Variants in RALY observed in about 807,000 individuals in gnomAD.
The protein encoded by RALY is RNA-binding protein Raly.
In RALY, 15 loss-of-function variants were observed where a neutral mutation model predicts 30.7. That is an observed-to-expected ratio of 0.49 (90% CI 0.33 to 0.75). The LOEUF (loss-of-function observed/expected upper bound fraction) is 0.75, where lower values mean the gene tolerates loss of function less well. RALY is among the 30% of genes least tolerant of loss of function. RALY has a pLI of 0.02. For synonymous variants in RALY, 177 were observed against 170.8 expected (o/e 1.04, Z -0.28); for missense variants, 339 against 414.3 (o/e 0.82, Z 1.58).
intron 2 of RALY, among the ~76,000 whole-genome samples, chr20:34,058,404 G>A (rs895588386): frequency 6.6e-6 from 1 of 152,130 alleles, no homozygotes; most frequent in African/African-American, 2.4e-5. Flanking sequence ...CTGTGGGAGT[G>A]AGAGAGGGGT....
chr20:34,010,345 C>CA (rs1161275835), intron 1 of RALY, among the ~76,000 whole-genome samples: 3 of 152,200 alleles, frequency 2.0e-5, no homozygotes, highest in African/African-American at 4.8e-5. Context: ...TCTCCCACCT[C>CA]AGTCTCCTGA....
chr20:34,064,032 GA>G (rs2033495281), intron 2 of RALY, among the ~76,000 whole-genome samples: 1 of 152,152 alleles, frequency 6.6e-6, no homozygotes, highest in Admixed American at 6.5e-5. Context: ...TTAGTTATTT[GA>G]TAATACCTGG....
chr20:34,072,661 G>T (rs1399463916), intron 3 of RALY, among the ~76,000 whole-genome samples: 1 of 152,176 alleles, frequency 6.6e-6, no homozygotes, highest in East Asian at 1.9e-4. Flanking sequence ...GATGACTTAG[G>T]TTAGAACCCT....
In RALY at chr20:34,083,471, A is replaced by C. The variant is rs888378684; in HGVS notation, c.*3566A>C. On this transcript the variant is annotated 3_prime_UTR_variant, in exon 10 of 10. Transcript: ENST00000246194. Reference sequence around the variant, plus strand: ...ATTGCTATGACGTATCTTTTGGCCAAAGTAAGTCACATGGCTAAGCCCAAA... The same window carrying C: ...ATTGCTATGACGTATCTTTTGGCCACAGTAAGTCACATGGCTAAGCCCAAA... The C allele has an allele frequency of 2.6e-4, 39 of 152,344 alleles. No homozygotes were observed. The highest frequency in any genetic ancestry group is 9.4e-4 in the African/African-American group (39 of 41,572). The allele number at this position is 152,344 out of a possible 1,614,324, so 9.4% of individuals were successfully genotyped here. A position where few individuals can be genotyped will look rare whatever the true frequency, so the allele number is the denominator to read the frequency against.
intron 1 of RALY, among the ~76,000 whole-genome samples, chr20:34,008,970 T>G (rs2031283788): frequency 1.3e-5 from 2 of 152,174 alleles, no homozygotes; most frequent in Non-Finnish European, 2.9e-5. Flanking sequence ...ATTTTTATTT[T>G]GAGTGGAATA....
At chr20:33,998,479 C>T (rs2030748006) in intron 1 of RALY, among the ~76,000 whole-genome samples, 1 of 152,138 alleles carries the variant, frequency 6.6e-6, no homozygotes. Flanking sequence ...TATTCCCATT[C>T]TGTAGTTGAA....
At chr20:34,025,012 G>A (rs2031966343) in intron 1 of RALY, among the ~76,000 whole-genome samples, 1 of 152,246 alleles carries the variant, frequency 6.6e-6, no homozygotes. Context: ...AGATTGGCAA[G>A]TTGGCTTGTG....
intron 2 of RALY, among the ~76,000 whole-genome samples, chr20:34,041,478 C>G (rs2032697222): frequency 6.6e-6 from 1 of 152,216 alleles, no homozygotes; most frequent in Non-Finnish European, 1.5e-5. Context: ...GCTAAGTCTT[C>G]CCTGAGAGGG....
rs200962517 is a variant in RALY, at chr20:34,054,826, AAAAG to A, written c.-9-17224_-9-17221del. Among the ~76,000 whole-genome samples the A allele has an allele frequency of 3.7e-3, 566 of 151,890 alleles. 1 individual carries two copies. The highest frequency in any genetic ancestry group is 0.017 in the Middle Eastern group (5 of 294). On this transcript the variant is annotated intron_variant, in intron 2 of 9. Coordinates refer to ENST00000246194, the MANE Select transcript of RALY (RefSeq NM_016732.3). ...GAATGAGACTGTCTCAAAAAAAAAAAAAAGAAAGAAAGAAAGAAATTGGTTCCAG... is the reference window on the plus strand; with the variant it reads ...GAATGAGACTGTCTCAAAAAAAAAAAAAAGAAAGAAAGAAATTGGTTCCAG...
chr20:34,002,328 C>A (rs1014993610), intron 1 of RALY, among the ~76,000 whole-genome samples: 1 of 152,156 alleles, frequency 6.6e-6, no homozygotes, highest in Non-Finnish European at 1.5e-5. Context: ...ATTATTTATG[C>A]TTGGGAGTCC....
chr20:34,027,933 C>T (rs2032104430), intron 1 of RALY, among the ~76,000 whole-genome samples: 1 of 152,170 alleles, frequency 6.6e-6, no homozygotes, highest in Non-Finnish European at 1.5e-5. Flanking sequence ...ATCTGAGATG[C>T]AGATTAGAAC....
chr20:34,026,441 C>T (rs945240013), intron 1 of RALY, among the ~76,000 whole-genome samples: 3 of 151,714 alleles, frequency 2.0e-5, no homozygotes, highest in South Asian at 2.1e-4. Flanking sequence ...CTCGCTCTGT[C>T]GCCCATGCTG....
At chr20:34,051,149 C>G (rs972230374) in intron 2 of RALY, among the ~76,000 whole-genome samples, 3 of 152,172 alleles carry the variant, frequency 2.0e-5, no homozygotes, top group African/African-American at 7.2e-5. Flanking sequence ...TTACAGACCC[C>G]TTTCATACGT....
chr20:34,018,285 A>G lies in RALY; in HGVS notation c.-92-13237A>G, dbSNP rs187071519. 3.3e-5 allele frequency among the ~76,000 whole-genome samples: 5 copies of G among 152,336 alleles called. No homozygotes were observed. In the East Asian group the frequency reaches 9.6e-4, roughly 29 times the overall value. On this transcript the variant is annotated intron_variant, in intron 1 of 9. Transcript: ENST00000246194. ...TATTAGCAAGTACCAACTGAAACTTATTTCTAGACTTCTGTGGGGGAGAAG... is the reference window on the plus strand; with the variant it reads ...TATTAGCAAGTACCAACTGAAACTTGTTTCTAGACTTCTGTGGGGGAGAAG...
intron 2 of RALY, among the ~76,000 whole-genome samples, chr20:34,041,101 G>A (rs1396198268): frequency 2.0e-5 from 3 of 152,170 alleles, no homozygotes; most frequent in Admixed American, 6.5e-5. Flanking sequence ...TGTTTCCATC[G>A]TGATCATGGA....
intron 3 of RALY, among the ~76,000 whole-genome samples, 163 bp from the exon 4 acceptor site, chr20:34,073,400 G>A (rs141949891): frequency 7.2e-5 from 11 of 152,296 alleles, no homozygotes; most frequent in Non-Finnish European, 1.3e-4. Flanking sequence ...TGAATCTAAT[G>A]TTTGAAGATT....
intron 1 of RALY, among the ~76,000 whole-genome samples, chr20:34,013,761 C>G (rs2031502015): frequency 6.6e-6 from 1 of 152,190 alleles, no homozygotes; most frequent in African/African-American, 2.4e-5. Context: ...TGGATCGAGA[C>G]AGTATAGGCC....
intron 2 of RALY, among the ~76,000 whole-genome samples, chr20:34,062,181 G>C (rs944734266): frequency 2.6e-5 from 4 of 152,202 alleles, no homozygotes; most frequent in Admixed American, 2.0e-4. Context: ...CACCTAGCTA[G>C]ATAGGCCTGG....
chr20:34,070,199 A>AT (rs2033687922), intron 2 of RALY, among the ~76,000 whole-genome samples: 1 of 152,148 alleles, frequency 6.6e-6, no homozygotes, highest in South Asian at 2.1e-4. Flanking sequence ...TATATATGCT[A>AT]TTTGGAGTCT....
Sources: allele counts gnomAD v4.1 joint callset (sites outside exome capture counted in the v4.1 genomes callset), GRCh38; gene constraint gnomAD v4.1.1; transcripts MANE v1.5; gene names NCBI Gene and HGNC (gene_info 2026-07-23, HGNC 2026-07-21).